The following UTRN variants were observed in gnomAD, a reference collection of about 807,000 sequenced individuals.
UTRN encodes the protein dystrophin-related protein 1.
UTRN carries 283 observed loss-of-function variants against 463.9 expected under a neutral mutation model. That is an observed-to-expected ratio of 0.61 (90% CI 0.55 to 0.67). The LOEUF (loss-of-function observed/expected upper bound fraction) is 0.67, where lower values mean the gene tolerates loss of function less well. Among genes scored for constraint, UTRN ranks in the 30% least tolerant of loss-of-function variants. UTRN has a pLI of 0.00. For missense variants in UTRN, 3,922 were observed against 4,084.3 expected (o/e 0.96, Z 1.08); for synonymous variants, 1,442 against 1,431.5 (o/e 1.01, Z -0.17).
rs578070978 is a variant in UTRN at position 144,625,864 on chromosome 6, T to G, written c.7479+48576T>G. Among the ~76,000 whole-genome samples the G allele has an allele frequency of 2.0e-5, 3 of 152,336 alleles. No homozygotes were observed. In the South Asian group the frequency reaches 6.2e-4, roughly 32 times the overall value. Reference sequence around the variant, plus strand: ...AAAATAATTGAGAAACATCAAATGATGTTTAATTGTTTTGAAAACATAAAC... The same window carrying G: ...AAAATAATTGAGAAACATCAAATGAGGTTTAATTGTTTTGAAAACATAAAC... On this transcript the variant is annotated intron_variant, in intron 51 of 74. Coordinates refer to ENST00000367545, the MANE Select transcript of UTRN (RefSeq NM_007124.3).
At chr6:144,849,819 C>T (rs1782333255) in intron 74 of UTRN, among the ~76,000 whole-genome samples, 2 of 152,218 alleles carry the variant, frequency 1.3e-5, no homozygotes, top group Non-Finnish European at 2.9e-5. Context: ...TTCAAAAATC[C>T]TCTTGGCTTT....
Position 144,438,901 on chromosome 6 carries a change from T to A in UTRN, c.1392+6T>A. The A allele has an allele frequency of 2.5e-6, 4 of 1,613,904 alleles. No homozygotes were observed. The highest frequency in any genetic ancestry group is 3.4e-6 in the Non-Finnish European group (4 of 1,179,892). On this transcript the variant is annotated splice_donor_region_variant and intron_variant, in intron 12 of 74. Coordinates refer to ENST00000367545, the MANE Select transcript of UTRN (RefSeq NM_007124.3). ...AGCTGCTAGAAGAACATAAAGTAAATCTGTCTCATATTTCTTCGATACCTT... is the reference window on the plus strand; with the variant it reads ...AGCTGCTAGAAGAACATAAAGTAAAACTGTCTCATATTTCTTCGATACCTT...
intron 3 of UTRN, among the ~76,000 whole-genome samples, chr6:144,415,030 A>G (rs549773929): frequency 6.6e-6 from 1 of 152,124 alleles, no homozygotes; most frequent in African/African-American, 2.4e-5. Flanking sequence ...CTTTTATATC[A>G]TATTTTGACT....
chr6:144,645,905 G>A (rs1585757745), intron 51 of UTRN, among the ~76,000 whole-genome samples: 1 of 152,200 alleles, frequency 6.6e-6, no homozygotes, highest in African/African-American at 2.4e-5. Context: ...GGTATTCAGT[G>A]GTCCATCACA....
chr6:144,666,027 A>T (rs4530873), intron 51 of UTRN, among the ~76,000 whole-genome samples: 8,227 of 152,200 alleles, frequency 0.054, 244 homozygotes, highest in African/African-American at 0.072. Flanking sequence ...ATTATCAGTA[A>T]CCATTTTGTG....
chr6:144,418,223 T>TC (rs1252074241), intron 3 of UTRN, among the ~76,000 whole-genome samples: 1 of 149,758 alleles, frequency 6.7e-6, no homozygotes, highest in Non-Finnish European at 1.5e-5. Flanking sequence ...TATTTCTTTT[T>TC]TTTTTTTTGA....
intron 2 of UTRN, among the ~76,000 whole-genome samples, chr6:144,306,525 C>G (rs1035082935): frequency 6.6e-6 from 1 of 152,018 alleles, no homozygotes; most frequent in African/African-American, 2.4e-5. Flanking sequence ...CTTTAACACT[C>G]GCAAATGAAG....
intron 58 of UTRN, among the ~76,000 whole-genome samples, chr6:144,764,731 A>C (rs61338721): frequency 0.017 from 2,637 of 152,328 alleles, 77 homozygotes; most frequent in African/African-American, 0.06. Flanking sequence ...GTAAAATAAT[A>C]CAGTAAAAGA....
Position 144,369,414 on chromosome 6 carries a change from C to T in UTRN, c.80-33709C>T, listed in dbSNP as rs1431838626. ...TGGGCAGATCACGAGGTCAAGAGAT[C>T]GAGACCATCCTGGCCAACATGGTAA... On this transcript the variant is annotated intron_variant, in intron 2 of 74. Coordinates refer to ENST00000367545, the MANE Select transcript of UTRN (RefSeq NM_007124.3). 2.6e-5 allele frequency among the ~76,000 whole-genome samples: 4 copies of T among 152,232 alleles called. No individual in the cohort carries two copies. In the East Asian group the frequency reaches 5.8e-4, roughly 22 times the overall value.
chr6:144,694,958 CT>C (rs1257143598), intron 52 of UTRN, among the ~76,000 whole-genome samples: 3 of 142,464 alleles, frequency 2.1e-5, no homozygotes, highest in Non-Finnish European at 4.5e-5. Flanking sequence ...CCCAAATTCT[CT>C]CTCTGCAGGT....
At chr6:144,544,062 A>G (rs571801575) in intron 46 of UTRN, among the ~76,000 whole-genome samples, 156 of 152,280 alleles carry the variant, frequency 1.0e-3, no homozygotes, top group Non-Finnish European at 1.9e-3. Context: ...TAAAACCTCT[A>G]TATGGTAAAG....
chr6:144,472,941 G>A (rs909885245), intron 23 of UTRN, among the ~76,000 whole-genome samples: 7 of 151,940 alleles, frequency 4.6e-5, no homozygotes, highest in African/African-American at 1.7e-4. Context: ...GCTAATTTTT[G>A]TATTTTTAAT....
intron 2 of UTRN, among the ~76,000 whole-genome samples, chr6:144,303,939 A>G (rs1805505075): frequency 6.6e-6 from 1 of 152,236 alleles, no homozygotes; most frequent in Admixed American, 6.5e-5. Context: ...AATAAATGCA[A>G]ATTAAAAATA....
At chr6:144,349,376 AG>A (rs1212273097) in intron 2 of UTRN, among the ~76,000 whole-genome samples, 1 of 152,180 alleles carries the variant, frequency 6.6e-6, no homozygotes, top group African/African-American at 2.4e-5. Context: ...TGCCATCGTC[AG>A]GGTAAGTCAC....
At chr6:144,674,634 G>A (rs927781582) in intron 51 of UTRN, among the ~76,000 whole-genome samples, 2 of 152,100 alleles carry the variant, frequency 1.3e-5, no homozygotes, top group South Asian at 2.1e-4. Context: ...TTGGCCCACT[G>A]CAACCTCTGC....
intron 2 of UTRN, among the ~76,000 whole-genome samples, chr6:144,356,772 C>T (rs1158189012): frequency 2.0e-5 from 3 of 152,076 alleles, no homozygotes; most frequent in African/African-American, 4.8e-5. Flanking sequence ...CTGCAGTGAG[C>T]TGAGATTGCA....
chr6:144,490,503 T>C (rs1251371856), intron 31 of UTRN, among the ~76,000 whole-genome samples: 1 of 152,246 alleles, frequency 6.6e-6, no homozygotes, highest in Non-Finnish European at 1.5e-5. Context: ...GTGTGGCTGA[T>C]GCTGTGGGCA....
At chr6:144,470,731 G>A (rs1302222150) in intron 23 of UTRN, among the ~76,000 whole-genome samples, 2 of 151,962 alleles carry the variant, frequency 1.3e-5, no homozygotes, top group African/African-American at 4.8e-5. Context: ...CTCCAGCCTG[G>A]GCAACATTGA....
At chr6:144,609,242 T>C (rs1805214699) in intron 51 of UTRN, among the ~76,000 whole-genome samples, 1 of 151,816 alleles carries the variant, frequency 6.6e-6, no homozygotes, top group African/African-American at 2.4e-5. Flanking sequence ...AGTGAAGGGG[T>C]GAAAAAAGAT....
Sources: allele counts gnomAD v4.1 joint callset (sites outside exome capture counted in the v4.1 genomes callset), GRCh38; gene constraint gnomAD v4.1.1; transcripts MANE v1.5; gene names NCBI Gene and HGNC (gene_info 2026-07-23, HGNC 2026-07-21).